TMPRSS15: variants seen among roughly 807,000 people sequenced by gnomAD.
The protein encoded by TMPRSS15 is enteropeptidase.
TMPRSS15 carries 128 observed loss-of-function variants against 125.3 expected under a neutral mutation model. The observed-to-expected ratio is 1.02, with a 90% CI of 0.89 to 1.18. The LOEUF (loss-of-function observed/expected upper bound fraction) is 1.18. Ranked by LOEUF, TMPRSS15 falls within the 50% of genes most tolerant of loss-of-function variation. The pLI, the probability that TMPRSS15 is intolerant of heterozygous loss-of-function variation, is 0.00. For missense variants in TMPRSS15, 1,283 were observed against 1,212.7 expected (o/e 1.06, Z -0.86); for synonymous variants, 446 against 423.2 (o/e 1.05, Z -0.66).
rs771826553 is a variant in TMPRSS15, at chr21:18,403,491, C to T, written c.132G>A (p.Lys44=). ...CATGTGACTTACCTCGTTGGGATTC[C>T]TTGATTGTCAGGCAGGATACTGCAA... ...GLIAVSCLTI[K]ESQRGAALGQ... is the part of the protein sequence containing the mutation. The change falls in exon 1 of 25, where the codon AAG becomes AAA. Residue 44 remains lysine, a synonymous_variant. Coordinates refer to ENST00000284885, the MANE Select transcript of TMPRSS15 (RefSeq NM_002772.3). 2 of 1,614,146 alleles carry T rather than the reference C, an allele frequency of 1.2e-6. No individual in the cohort carries two copies. The highest frequency in any genetic ancestry group is 2.2e-5 in the East Asian group (1 of 44,870).
At chr21:18,279,297 G>GTCTCC (rs1284439685) in intron 22 of TMPRSS15, among the ~76,000 whole-genome samples, 2 of 114,246 alleles carry the variant, frequency 1.8e-5, no homozygotes, top group Admixed American at 2.0e-4. Flanking sequence ...TCTTTTACTA[G>GTCTCC]TCTCCTCGTT....
chr21:18,278,997 A>G lies in TMPRSS15; in HGVS notation c.2731T>C (p.Ser911Pro). ...NQVFPPGRNCSIAGWGTVVYQ... is the reference protein window; with the variant it reads ...NQVFPPGRNCPIAGWGTVVYQ... The stretch of plus-strand genomic sequence containing the variant: ...ACAACCGTCCCCCAACCAGCAATAG[A>G]ACAATTTCTTCCTGGAGGAAAAACT... Residue 911 changes from serine (S) to proline (P), a missense_variant, in exon 23 of 25, where the codon TCT becomes CCT. Coordinates refer to ENST00000284885, the MANE Select transcript of TMPRSS15 (RefSeq NM_002772.3). 2.5e-6 allele frequency: 4 copies of G among 1,597,302 alleles called. No individual in the cohort carries two copies. Among genetic ancestry groups the G allele is most frequent in the Non-Finnish European group, 3.4e-6 (4 of 1,168,728 alleles).
chr21:18,300,326 C>T (rs1372787997), intron 18 of TMPRSS15, among the ~76,000 whole-genome samples: 3 of 145,586 alleles, frequency 2.1e-5, no homozygotes, highest in African/African-American at 7.7e-5. Context: ...CTCCTTCCTT[C>T]CTTCTTGCCT....
chr21:18,389,934 T>C (rs762390816), intron 3 of TMPRSS15, among the ~76,000 whole-genome samples: 3 of 152,196 alleles, frequency 2.0e-5, no homozygotes, highest in Non-Finnish European at 4.4e-5. Context: ...ATCTCCAATG[T>C]CCTACCAGTC....
At chr21:18,379,600 A>C (rs186331043) in intron 4 of TMPRSS15, among the ~76,000 whole-genome samples, 1 of 152,120 alleles carries the variant, frequency 6.6e-6, no homozygotes, top group Non-Finnish European at 1.5e-5. Flanking sequence ...CAATAACTAA[A>C]TGCGAGGATT....
At chr21:18,453,748 T>C (rs1697341668) in intron 1 of TMPRSS15, among the ~76,000 whole-genome samples, 1 of 152,148 alleles carries the variant, frequency 6.6e-6, no homozygotes, top group South Asian at 2.1e-4. Context: ...ATGGAAACAA[T>C]CCAAGGGTCC....
At position 18,326,554 on chromosome 21, in the gene TMPRSS15, C is replaced by T; in HGVS notation, c.1799G>A (p.Gly600Asp). The change falls in exon 16 of 25, where the codon GGC becomes GAC. Residue 600 changes from glycine (G) to aspartate (D), a missense_variant. Coordinates refer to ENST00000284885, the MANE Select transcript of TMPRSS15 (RefSeq NM_002772.3). Reference sequence around the variant, plus strand: ...GGTAGAGAACACATCCTTTACTGGGCCAGGCCCTGTGTACACAGCTGTTCC... The same window carrying T: ...GGTAGAGAACACATCCTTTACTGGGTCAGGCCCTGTGTACACAGCTGTTCC... ...SLLLAVYTGP[G>D]PVKDVFSTTN... 1 of 1,614,080 alleles carries T rather than the reference C, an allele frequency of 6.2e-7. No homozygotes were observed. Among genetic ancestry groups the T allele is most frequent in the Non-Finnish European group, 8.5e-7 (1 of 1,179,982 alleles).
intron 18 of TMPRSS15, among the ~76,000 whole-genome samples, chr21:18,303,163 T>C (rs2074991362): frequency 6.6e-6 from 1 of 152,208 alleles, no homozygotes; most frequent in African/African-American, 2.4e-5. Flanking sequence ...TAAGTGTTAG[T>C]AATTACACCG....
intron 6 of TMPRSS15, among the ~76,000 whole-genome samples, chr21:18,366,205 A>C (rs193292929): frequency 3.3e-4 from 51 of 152,292 alleles, no homozygotes; most frequent in African/African-American, 1.2e-3. Flanking sequence ...AATTTCAAAT[A>C]TATGTACAAA....
At chr21:18,474,609 A>T (rs1227445202) in intron 1 of TMPRSS15, among the ~76,000 whole-genome samples, 1 of 152,102 alleles carries the variant, frequency 6.6e-6, no homozygotes, top group African/African-American at 2.4e-5. Flanking sequence ...CCATGTTTAT[A>T]TATGAATAAA....
At chr21:18,307,691 A>G (rs143697781) in intron 18 of TMPRSS15, among the ~76,000 whole-genome samples, 70 of 152,264 alleles carry the variant, frequency 4.6e-4, no homozygotes, top group African/African-American at 1.6e-3. Context: ...ATATACTGTT[A>G]AAATGTAATA....
chr21:18,436,028 C>T, intron 1 of TMPRSS15, among the ~76,000 whole-genome samples: 1 of 149,180 alleles, frequency 6.7e-6, no homozygotes, highest in African/African-American at 2.5e-5. Flanking sequence ...CTCTTTTTTT[C>T]TTTATTAGTC....
chr21:18,451,740 A>C (rs1016463836), intron 1 of TMPRSS15, among the ~76,000 whole-genome samples: 5 of 152,262 alleles, frequency 3.3e-5, no homozygotes, highest in Non-Finnish European at 7.4e-5. Context: ...TCTGTTTTCT[A>C]TACTTTCCTG....
chr21:18,274,889 A>T (rs1282326761), intron 24 of TMPRSS15, among the ~76,000 whole-genome samples: 1 of 152,196 alleles, frequency 6.6e-6, no homozygotes, highest in Non-Finnish European at 1.5e-5. Context: ...AACTGCTTTT[A>T]GATAAGGTGC....
chr21:18,376,200 GTT>G lies in TMPRSS15; in HGVS notation c.532+3081_532+3082del, dbSNP rs11438174. On this transcript the variant is annotated intron_variant, in intron 5 of 24. Transcript: ENST00000284885. ...TCATTTACTGTGTAGAACAAATCTA[GTT>G]TTTTTTTTTTAAATTTTATTGTAAG... Among the ~76,000 whole-genome samples, 25 of 149,780 alleles carry G rather than the reference GTT, an allele frequency of 1.7e-4. No individual in the cohort carries two copies. The South Asian group carries it at 2.1e-3, about 13-fold the overall frequency.
chr21:18,405,600 T>C (rs2076147199), upstream of TMPRSS15, among the ~76,000 whole-genome samples: 1 of 152,162 alleles, frequency 6.6e-6, no homozygotes, highest in African/African-American at 2.4e-5. Flanking sequence ...GATTTGCATA[T>C]GGAAACTTCA....
At chr21:18,335,027 A>C (rs189385764) in intron 13 of TMPRSS15, among the ~76,000 whole-genome samples, 3 of 152,362 alleles carry the variant, frequency 2.0e-5, no homozygotes, top group South Asian at 4.1e-4. Flanking sequence ...CAAGTTCTCA[A>C]CAGGAAATCA....
At position 18,365,564 on chromosome 21, in the gene TMPRSS15, T is replaced by C. The variant is rs140911054; in HGVS notation, c.665-316A>G. 1.8e-3 allele frequency among the ~76,000 whole-genome samples: 196 copies of C among 106,814 alleles called. 2 individuals carry two copies. Among genetic ancestry groups the C allele is most frequent in the African/African-American group, 1.7e-3 (43 of 25,538 alleles). 70.1% of individuals were successfully genotyped at this position (106,814 alleles called of 152,430 possible). On this transcript the variant is annotated intron_variant, in intron 6 of 24. Coordinates refer to ENST00000284885, the MANE Select transcript of TMPRSS15 (RefSeq NM_002772.3). ...TCTTTCCTTCCTTTTCTCTCTTTCT[T>C]TCTCTCTCTTTCTCTCTTTTTCCTT...
chr21:18,401,429 G>C (rs994511446), intron 1 of TMPRSS15, among the ~76,000 whole-genome samples: 2 of 152,164 alleles, frequency 1.3e-5, no homozygotes, highest in Non-Finnish European at 2.9e-5. Context: ...GTCCTTTGCA[G>C]CAACATGGAT....
Sources: allele counts gnomAD v4.1 joint callset (sites outside exome capture counted in the v4.1 genomes callset), GRCh38; gene constraint gnomAD v4.1.1; transcripts MANE v1.5; gene names NCBI Gene and HGNC (gene_info 2026-07-23, HGNC 2026-07-21).